PLEKHG1: variants seen among roughly 807,000 people sequenced by gnomAD.
PLEKHG1 encodes the protein pleckstrin homology domain-containing family G member 1.
A neutral mutation model predicts 100.8 loss-of-function variants in PLEKHG1; 44 were observed. The ratio of observed to expected loss-of-function variants is 0.44; its 90% CI spans 0.34 to 0.56. The LOEUF is 0.56. PLEKHG1 is among the 20% of genes least tolerant of loss of function. PLEKHG1 has a pLI of 0.01. For missense variants in PLEKHG1, 1,545 were observed against 1,720.9 expected (o/e 0.90, Z 1.81); for synonymous variants, 640 against 662.5 (o/e 0.97, Z 0.52).
rs781573793 is a variant in PLEKHG1 at position 150,800,789 on chromosome 6, ACT to A, written c.703_704del (p.Leu235GlufsTer26). 1 of 1,613,588 alleles carries A rather than the reference ACT, an allele frequency of 6.2e-7. No homozygotes were observed. The highest frequency in any genetic ancestry group is 8.5e-7 in the Non-Finnish European group (1 of 1,179,530). ...CAAATTCTTCAGGGAGCGTCAGGAA[ACT>A]CTGAAACACTCGCTGCCTCTGGGGT... On this transcript the variant is annotated frameshift_variant, in exon 6 of 16. Coordinates refer to ENST00000358517, the Ensembl canonical transcript of PLEKHG1. LOFTEE classifies it high-confidence loss of function.
intron 2 of PLEKHG1, among the ~76,000 whole-genome samples, chr6:150,755,852 C>T (rs1273901619): frequency 1.3e-5 from 2 of 151,800 alleles, no homozygotes; most frequent in Non-Finnish European, 2.9e-5. Context: ...ATTTACTTTC[C>T]CAGGACAGTA....
chr6:150,723,915 G>C (rs190099830), intron 1 of PLEKHG1, among the ~76,000 whole-genome samples: 12 of 152,318 alleles, frequency 7.9e-5, no homozygotes, highest in Admixed American at 7.8e-4. Context: ...CATCTGAAAG[G>C]CTTCTCATCC....
At chr6:150,703,610 A>C (rs75570936) in intron 3 of PLEKHG1, among the ~76,000 whole-genome samples, 7,064 of 150,820 alleles carry the variant, frequency 0.047, 510 homozygotes, top group African/African-American at 0.15. Flanking sequence ...TAAAAAAAAA[A>C]AAAACAAAAC....
At chr6:150,674,682 T>TCTCCCTCC (rs1455673564) in intron 3 of PLEKHG1, among the ~76,000 whole-genome samples, 1 of 104,304 alleles carries the variant, frequency 9.6e-6, no homozygotes, top group East Asian at 2.6e-4. Flanking sequence ...TCTCTCTCTC[T>TCTCCCTCC]CCCCCCTCTT....
At chr6:150,664,859 T>C (rs1779336278) in intron 3 of PLEKHG1, among the ~76,000 whole-genome samples, 1 of 152,234 alleles carries the variant, frequency 6.6e-6, no homozygotes, top group Non-Finnish European at 1.5e-5. Context: ...TCGGGGAGTT[T>C]TAAGTGACAG....
intron 2 of PLEKHG1, among the ~76,000 whole-genome samples, chr6:150,735,255 G>A (rs1782504707): frequency 6.7e-6 from 1 of 150,322 alleles, no homozygotes; most frequent in African/African-American, 2.5e-5. Context: ...CAAAGTGCTG[G>A]GATTACAGGC....
chr6:150,797,388 G>C (rs1429932715), intron 5 of PLEKHG1, among the ~76,000 whole-genome samples: 2 of 152,126 alleles, frequency 1.3e-5, no homozygotes, highest in African/African-American at 4.8e-5. Context: ...CCGGGATGTT[G>C]CTGCATGTGG....
intron 3 of PLEKHG1, among the ~76,000 whole-genome samples, chr6:150,690,460 C>T (rs962214432): frequency 5.3e-5 from 8 of 152,228 alleles, no homozygotes; most frequent in Non-Finnish European, 7.4e-5. Context: ...AGTGAGGAAA[C>T]GGAACATAGA....
intron 1 of PLEKHG1, among the ~76,000 whole-genome samples, chr6:150,637,084 C>G (rs1325021422): frequency 1.3e-5 from 2 of 152,228 alleles, no homozygotes; most frequent in Admixed American, 1.3e-4. Context: ...TCCCAATTAG[C>G]TAGACTCTGC....
chr6:150,820,318 G>A (rs1464628467), intron 12 of PLEKHG1, among the ~76,000 whole-genome samples: 1 of 152,112 alleles, frequency 6.6e-6, no homozygotes, highest in African/African-American at 2.4e-5. Flanking sequence ...TACTTAAGCT[G>A]TATTTGCTGT....
intron 1 of PLEKHG1, among the ~76,000 whole-genome samples, chr6:150,724,442 T>C (rs4304174): frequency 0.6 from 91,082 of 152,184 alleles, 29,913 homozygotes; most frequent in Non-Finnish European, 0.75. Context: ...CCAAATAATT[T>C]CCTTCATCCC....
intron 1 of PLEKHG1, among the ~76,000 whole-genome samples, chr6:150,631,515 G>A (rs539861108): frequency 6.6e-6 from 1 of 152,320 alleles, no homozygotes; most frequent in South Asian, 2.1e-4. Flanking sequence ...AGAGTCTTGT[G>A]GCTTGGACGC....
intron 7 of PLEKHG1, among the ~76,000 whole-genome samples, chr6:150,806,214 T>G (rs1294233046): frequency 7.1e-6 from 1 of 140,708 alleles, no homozygotes; most frequent in Non-Finnish European, 1.5e-5. Context: ...ATTCTAATCT[T>G]CCAGGCTGCT....
chr6:150,772,239 T>G (rs1420008650), intron 3 of PLEKHG1, among the ~76,000 whole-genome samples: 1 of 152,220 alleles, frequency 6.6e-6, no homozygotes, highest in Non-Finnish European at 1.5e-5. Context: ...CAGAATTGGC[T>G]CAGGGAAGCC....
At chr6:150,806,749 A>G (rs1787133412) in intron 7 of PLEKHG1, among the ~76,000 whole-genome samples, 1 of 148,878 alleles carries the variant, frequency 6.7e-6, no homozygotes, top group South Asian at 2.2e-4. Context: ...AATCACTGGA[A>G]CACAGGAGGC....
chr6:150,616,901 T>TGTTATG (rs1777094698), intron 1 of PLEKHG1, among the ~76,000 whole-genome samples: 1 of 151,480 alleles, frequency 6.6e-6, no homozygotes, highest in Non-Finnish European at 1.5e-5. Context: ...ATTCTCAATC[T>TGTTATG]ATAAAAATCA....
intron 2 of PLEKHG1, among the ~76,000 whole-genome samples, chr6:150,640,365 G>C (rs1582864700): frequency 1.3e-5 from 2 of 152,134 alleles, no homozygotes; most frequent in Admixed American, 6.5e-5. Flanking sequence ...AGAACACACA[G>C]GGCCATGGCC....
rs185378029 is a variant in PLEKHG1, at chr6:150,683,825, G to A, written c.-99+33039G>A. 78 of 1,288,460 alleles carry A rather than the reference G, an allele frequency of 6.1e-5. No individual in the cohort carries two copies. In the African/African-American group the frequency reaches 1.1e-3, roughly 18 times the overall value. The allele number at this position is 1,288,460 out of a possible 1,614,324, so 79.8% of individuals were successfully genotyped here. A position where few individuals can be genotyped will look rare whatever the true frequency, so the allele number is the denominator to read the frequency against. The stretch of plus-strand genomic sequence containing the variant: ...CTGCTGCCTGGACAAATCGTGTTCT[G>A]GGCCAAAGCATCACAGGCGAGTGAA... On this transcript the variant is annotated intron_variant, in intron 3 of 3. Transcript: ENST00000367326. The surrounding 1 kb of genome is among the most constrained non-coding windows in gnomAD (Gnocchi z 4.0).
chr6:150,724,558 C>CTTTTTTTTTTTTTTTTTTTTTTTTTT (rs34140367), intron 1 of PLEKHG1, among the ~76,000 whole-genome samples: 3 of 100,472 alleles, frequency 3.0e-5, no homozygotes, highest in African/African-American at 1.2e-4. Context: ...TTTTCTTTTT[C>CTTTTTTTTTTTTTTTTTTTTTTTTTT]TTTTTTTTTT....
Sources: gnomAD v4.1 joint callset for allele counts (sites outside exome capture counted in the v4.1 genomes callset) on GRCh38, gnomAD v4.1.1 for gene constraint, Gnocchi (gnomAD v3.1) non-coding constraint, MANE v1.5 for transcripts, NCBI Gene and HGNC (gene_info 2026-07-23, HGNC 2026-07-21) for gene names.